SLC7A6: variants seen among roughly 807,000 people sequenced by gnomAD.
The protein encoded by SLC7A6 is solute carrier family 7 member 6, also known as Y+L amino acid transporter 2.
In SLC7A6, 29 loss-of-function variants were observed where a neutral mutation model predicts 46.6. That is an observed-to-expected ratio of 0.62 (90% confidence interval 0.46 to 0.85). The LOEUF is 0.85. SLC7A6 is among the 40% of genes least tolerant of loss of function. SLC7A6 has a pLI of 0.00. For synonymous variants in SLC7A6, 276 were observed against 257.3 expected (o/e 1.07, Z -0.70); for missense variants, 527 against 647.6 (o/e 0.81, Z 2.02).
chr16:68,289,519 G>T (rs1188445179), intron 4 of SLC7A6, among the ~76,000 whole-genome samples: 1 of 152,144 alleles, frequency 6.6e-6, no homozygotes, highest in East Asian at 1.9e-4. Flanking sequence ...GAGGACAGGG[G>T]TCTCTATTTT....
In SLC7A6 at chr16:68,287,890, G is replaced by A. The variant is rs1270434005; in HGVS notation, c.649+19G>A. 1.2e-6 allele frequency: 2 copies of A among 1,610,708 alleles called. No homozygotes were observed. The stretch of plus-strand genomic sequence containing the variant: ...TGCCAGGGTAAGTGGTGGGAAGGGG[G>A]GTACCACCAACAGTTCCTCTGGATT... On this transcript the variant is annotated intron_variant, in intron 4 of 10. Coordinates refer to ENST00000219343, the MANE Select transcript of SLC7A6 (RefSeq NM_003983.6).
intron 3 of SLC7A6, chr16:68,287,423 T>C (rs758420988): frequency 1.6e-4 from 209 of 1,316,502 alleles, no homozygotes; most frequent in Non-Finnish European, 1.9e-4. Context: ...CTTGGGAGTC[T>C]GGGTGGGAAA....
intron 2 of SLC7A6, among the ~76,000 whole-genome samples, chr16:68,267,262 G>A (rs538645790): frequency 4.1e-5 from 6 of 145,276 alleles, no homozygotes; most frequent in South Asian, 2.2e-4. Flanking sequence ...TTGCCCTGGC[G>A]GAGTGCAATG....
At chr16:68,281,192 A>G (rs2042823212) in intron 3 of SLC7A6, among the ~76,000 whole-genome samples, 1 of 152,134 alleles carries the variant, frequency 6.6e-6, no homozygotes, top group Non-Finnish European at 1.5e-5. Context: ...GCTGTACCCC[A>G]TCCCCTTCCC....
At chr16:68,283,146 C>T (rs545058888) in intron 3 of SLC7A6, among the ~76,000 whole-genome samples, 3 of 152,294 alleles carry the variant, frequency 2.0e-5, no homozygotes, top group East Asian at 3.9e-4. Flanking sequence ...CACAGTTCTG[C>T]GAGAGGGTGC....
rs376657473 is a variant in SLC7A6 at position 68,301,390 on chromosome 16, T to C, written c.*4062T>C. On this transcript the variant is annotated 3_prime_UTR_variant, in exon 11 of 11. Transcript: ENST00000219343. ...GCCTCTTTCCTCCTCACTCAGGCTG[T>C]TGTAGTCAGCAGAGCCTAGAATGAC... 3.1e-6 allele frequency: 5 copies of C among 1,613,932 alleles called. No individual in the cohort carries two copies. The highest frequency in any genetic ancestry group is 4.2e-6 in the Non-Finnish European group (5 of 1,179,964).
intron 3 of SLC7A6, among the ~76,000 whole-genome samples, chr16:68,280,309 C>T (rs924434166): frequency 1.3e-5 from 2 of 152,126 alleles, no homozygotes; most frequent in African/African-American, 2.4e-5. Context: ...GTTATAGCCA[C>T]GCCATTCTAG....
intron 2 of SLC7A6, among the ~76,000 whole-genome samples, chr16:68,274,353 T>G (rs2042671877): frequency 2.0e-5 from 3 of 152,200 alleles, no homozygotes; most frequent in Admixed American, 2.0e-4. Context: ...TTGTGGGTTT[T>G]AAGCTGGTGA....
intron 6 of SLC7A6, 23 bp from the exon 7 acceptor site, chr16:68,291,535 C>A: frequency 1.2e-6 from 2 of 1,611,822 alleles, no homozygotes; most frequent in Non-Finnish European, 1.7e-6. Context: ...CGTTTAAGTG[C>A]CTTTTCTGTG....
intron 10 of SLC7A6, 39 bp from the exon 11 acceptor site, chr16:68,297,195 A>G: frequency 6.3e-7 from 1 of 1,591,488 alleles, no homozygotes; most frequent in Non-Finnish European, 8.6e-7. Context: ...CTGTAGCTAG[A>G]TGTTTACTAA....
rs1189285354 is a variant in SLC7A6, at chr16:68,274,692, C to T, written c.-35C>T. On this transcript the variant is annotated splice_region_variant and 5_prime_UTR_variant, in exon 3 of 11. Coordinates refer to ENST00000219343, the MANE Select transcript of SLC7A6 (RefSeq NM_003983.6). ...TGACATACTTGTATTCTTTGCCAGG[C>T]CACAGCAAACACAGGTGTGCAGGAA... 1 of 1,609,628 alleles carries T rather than the reference C, an allele frequency of 6.2e-7. No individual in the cohort carries two copies. Among genetic ancestry groups the T allele is most frequent in the East Asian group, 2.2e-5 (1 of 44,788 alleles).
At chr16:68,294,645 G>A in intron 7 of SLC7A6, 60 bp from the exon 8 acceptor site, 1 of 1,227,336 alleles carries the variant, frequency 8.1e-7, no homozygotes, top group Non-Finnish European at 1.2e-6. Context: ...CAAGTGAGGA[G>A]TGAGTATGGC....
chr16:68,288,348 C>T (rs1454917473), intron 4 of SLC7A6, among the ~76,000 whole-genome samples: 1 of 152,078 alleles, frequency 6.6e-6, no homozygotes, highest in Non-Finnish European at 1.5e-5. Context: ...TTCAGCAATC[C>T]CTCCCCAAGT....
Position 68,301,245 on chromosome 16 carries a change from T to A in SLC7A6, c.*3917T>A. ...TGGACTCAGAGCCCTCAAGGGCATG[T>A]GGCAGAACCTCATGGACATCACAAG... On this transcript the variant is annotated 3_prime_UTR_variant, in exon 11 of 11. Transcript: ENST00000219343. 6.2e-7 allele frequency: 1 copy of A among 1,608,114 alleles called. No homozygotes were observed. Among genetic ancestry groups the A allele is most frequent in the Non-Finnish European group, 8.5e-7 (1 of 1,176,228 alleles).
At chr16:68,295,000 CATAGT>C (rs566514610) in intron 8 of SLC7A6, 199 bp downstream of exon 8, 1 of 487,740 alleles carries the variant, frequency 2.1e-6, no homozygotes, top group Non-Finnish European at 3.6e-6. Flanking sequence ...TATATTATAG[CATAGT>C]ATTGAGAAAG....
chr16:68,291,074 G>A (rs2043039644), intron 5 of SLC7A6, 135 bp from the exon 6 acceptor site: 4 of 1,078,842 alleles, frequency 3.7e-6, no homozygotes, highest in Admixed American at 2.1e-5. Flanking sequence ...AGGGTCAAGG[G>A]GAAGGTGAGC....
chr16:68,267,242 T>A (rs1161778004), intron 2 of SLC7A6, among the ~76,000 whole-genome samples: 2 of 141,550 alleles, frequency 1.4e-5, no homozygotes, highest in African/African-American at 5.5e-5. Flanking sequence ...GAGAAGGAGT[T>A]TCGCTCTCAT....
chr16:68,270,210 T>TA (rs57190259), intron 2 of SLC7A6, among the ~76,000 whole-genome samples: 90,139 of 151,834 alleles, frequency 0.59, 27,035 homozygotes, highest in East Asian at 0.81. Context: ...GCCTCAGTCT[T>TA]AAGCAGGCCC....
At chr16:68,272,788 G>A (rs910668324) in intron 2 of SLC7A6, among the ~76,000 whole-genome samples, 2 of 152,104 alleles carry the variant, frequency 1.3e-5, no homozygotes, top group East Asian at 3.9e-4. Context: ...TGGTCACTGG[G>A]GTCAGATTTC....
Sources: gnomAD v4.1 joint callset for allele counts (sites outside exome capture counted in the v4.1 genomes callset) on GRCh38, gnomAD v4.1.1 for gene constraint, MANE v1.5 for transcripts, NCBI Gene and HGNC (gene_info 2026-07-23, HGNC 2026-07-21) for gene names.